The following DTNB variants were observed in gnomAD, a reference collection of about 807,000 sequenced individuals.
DTNB encodes the protein dystrobrevin beta.
A neutral mutation model predicts 90.7 loss-of-function variants in DTNB; 63 were observed. That is an observed-to-expected ratio of 0.69 (90% CI 0.57 to 0.86). The LOEUF is 0.86. Ranked by LOEUF, DTNB falls within the 40% of genes least tolerant of loss-of-function variation. The pLI is 0.00. For synonymous variants in DTNB, 277 were observed against 286.7 expected (o/e 0.97, Z 0.34); for missense variants, 744 against 807.1 (o/e 0.92, Z 0.95).
intron 15 of DTNB, among the ~76,000 whole-genome samples, chr2:25,420,508 A>G (rs979246622): frequency 2.4e-5 from 3 of 122,848 alleles, no homozygotes; most frequent in Non-Finnish European, 5.8e-5. Context: ...CTATCTATCT[A>G]TCTATCTATC....
intron 2 of DTNB, among the ~76,000 whole-genome samples, chr2:25,645,181 GA>G: frequency 6.6e-6 from 1 of 151,686 alleles, no homozygotes; most frequent in South Asian, 2.1e-4. Flanking sequence ...TCAGGAGTTT[GA>G]GACCTGGCTG....
Position 25,387,353 on chromosome 2 carries a change from G to A in DTNB, c.1761C>T (p.Asp587=), listed in dbSNP as rs778042820. The A allele has an allele frequency of 6.2e-7, 1 of 1,612,474 alleles. No individual in the cohort carries two copies. Among genetic ancestry groups the A allele is most frequent in the South Asian group, 1.1e-5 (1 of 91,008 alleles). The part of the protein sequence containing the change: ...AQGTRRNLRN[D]LLVAADSITN... The stretch of plus-strand genomic sequence containing the variant: ...TGATGGAGTCAGCTGCCACCAGCAG[G>A]TCATTGCGGAGGTTTCTCCTCGTAC... The change falls in exon 18 of 21, where the codon GAC becomes GAT. Residue 587 remains aspartate, a synonymous_variant. Coordinates refer to ENST00000406818, the MANE Select transcript of DTNB (RefSeq NM_021907.5). This position sits in a 1 kb window ranked among gnomAD's most constrained non-coding sequence, Gnocchi z 4.5.
intron 10 of DTNB, among the ~76,000 whole-genome samples, chr2:25,476,065 ATTTT>A (rs35073594): frequency 2.7e-4 from 35 of 127,828 alleles, no homozygotes; most frequent in African/African-American, 6.2e-4. Context: ...TCAAGAAGTA[ATTTT>A]TTTTTTTTTT....
At chr2:25,469,436 T>C (rs115714589) in intron 10 of DTNB, among the ~76,000 whole-genome samples, 2,043 of 152,148 alleles carry the variant, frequency 0.013, 40 homozygotes, top group African/African-American at 0.046. Flanking sequence ...AGCCTATTCA[T>C]TCATTCATTC....
intron 12 of DTNB, among the ~76,000 whole-genome samples, chr2:25,442,212 G>A (rs1307266197): frequency 6.6e-6 from 1 of 152,192 alleles, no homozygotes; most frequent in African/African-American, 2.4e-5. Context: ...ATTACAGAGA[G>A]GAATCTGATA....
chr2:25,532,066 T>C (rs2078311678), intron 8 of DTNB, among the ~76,000 whole-genome samples: 1 of 151,800 alleles, frequency 6.6e-6, no homozygotes, highest in Non-Finnish European at 1.5e-5. Context: ...AACCAACATG[T>C]TGAAACCATG....
At chr2:25,524,291 G>C (rs1432869584) in intron 9 of DTNB, among the ~76,000 whole-genome samples, 3 of 151,648 alleles carry the variant, frequency 2.0e-5, no homozygotes, top group African/African-American at 7.3e-5. Context: ...AAAAAAATCT[G>C]TAAGACATAG....
intron 1 of DTNB, among the ~76,000 whole-genome samples, chr2:25,668,634 A>C (rs1026027972): frequency 6.6e-6 from 1 of 152,278 alleles, no homozygotes; most frequent in African/African-American, 2.4e-5. Flanking sequence ...GCAAGATGTT[A>C]ATAATAGGAG....
At chr2:25,551,900 T>C (rs764976008) in intron 8 of DTNB, among the ~76,000 whole-genome samples, 1 of 152,230 alleles carries the variant, frequency 6.6e-6, no homozygotes, top group Admixed American at 6.5e-5. Flanking sequence ...AAGGAATACT[T>C]CTCTGTTCTA....
chr2:25,384,678 ACTGAGCT>A (rs774380276), intron 18 of DTNB, among the ~76,000 whole-genome samples: 7 of 152,090 alleles, frequency 4.6e-5, no homozygotes, highest in Non-Finnish European at 1.0e-4. Context: ...CAGAGGAGGG[ACTGAGCT>A]TATCCTGGGT....
At chr2:25,533,047 G>C (rs1471080972) in intron 8 of DTNB, among the ~76,000 whole-genome samples, 2 of 152,166 alleles carry the variant, frequency 1.3e-5, no homozygotes, top group Non-Finnish European at 2.9e-5. Flanking sequence ...AACTTGGTCA[G>C]GCACAGTGGC....
At chr2:25,458,238 T>TA in intron 10 of DTNB, among the ~76,000 whole-genome samples, 1 of 152,334 alleles carries the variant, frequency 6.6e-6, no homozygotes, top group Middle Eastern at 3.4e-3. Context: ...ATTCTGATGT[T>TA]AGTTCTGTTT....
chr2:25,633,901 G>A (rs1405419197), intron 3 of DTNB, among the ~76,000 whole-genome samples: 2 of 151,242 alleles, frequency 1.3e-5, no homozygotes, highest in Non-Finnish European at 2.9e-5. Context: ...CTGCCCGGCC[G>A]CACCGTCTGA....
At position 25,634,179 on chromosome 2, in the gene DTNB, C is replaced by G. The variant is rs1363069174; in HGVS notation, c.148+4835G>C. On this transcript the variant is annotated intron_variant, in intron 3 of 20. Coordinates refer to ENST00000406818, the MANE Select transcript of DTNB (RefSeq NM_021907.5). ...GAAGGGCGCCTCTGCCCGGCCGCCC[C>G]TACTGGGAAGTGAGGGGCCCCTCTG... 2.7e-5 allele frequency among the ~76,000 whole-genome samples: 4 copies of G among 149,306 alleles called. 1 individual carries two copies. Among genetic ancestry groups the G allele is most frequent in the Non-Finnish European group, 4.5e-5 (3 of 66,832 alleles).
intron 4 of DTNB, among the ~76,000 whole-genome samples, chr2:25,608,212 G>A (rs2067572233): frequency 6.6e-6 from 1 of 152,158 alleles, no homozygotes; most frequent in Non-Finnish European, 1.5e-5. Flanking sequence ...TTGCAATAAT[G>A]AGAGCTATAC....
chr2:25,469,130 T>C (rs1472807817), intron 10 of DTNB, among the ~76,000 whole-genome samples: 1 of 152,070 alleles, frequency 6.6e-6, no homozygotes, highest in African/African-American at 2.4e-5. Context: ...GTAGGGAATG[T>C]TATAAAAGGA....
rs546836476 is a variant in DTNB at position 25,547,418 on chromosome 2, G to A, written c.877-15821C>T. 4.7e-5 allele frequency among the ~76,000 whole-genome samples: 7 copies of A among 148,220 alleles called. No homozygotes were observed. In the East Asian group the frequency reaches 8.1e-4, roughly 17 times the overall value. On this transcript the variant is annotated intron_variant, in intron 8 of 20. Coordinates refer to ENST00000406818, the MANE Select transcript of DTNB (RefSeq NM_021907.5). ...CGGCTCACTGCAACCTCCGCCTCCCGATTCAAGGAATTCTCCTGCCTCAGC... is the reference window on the plus strand; with the variant it reads ...CGGCTCACTGCAACCTCCGCCTCCCAATTCAAGGAATTCTCCTGCCTCAGC...
chr2:25,604,366 CTTTCT>C (rs1373686240), intron 5 of DTNB, among the ~76,000 whole-genome samples: 5 of 151,102 alleles, frequency 3.3e-5, no homozygotes, highest in Middle Eastern at 3.2e-3. Context: ...GTTCTCGTTT[CTTTCT>C]TTTCTTTTTT....
intron 6 of DTNB, among the ~76,000 whole-genome samples, chr2:25,593,826 A>C (rs1288340762): frequency 6.6e-6 from 1 of 152,204 alleles, no homozygotes; most frequent in African/African-American, 2.4e-5. Context: ...ACCCCACATA[A>C]CTGTCATCCA....
Sources: gnomAD v4.1 joint callset for allele counts (sites outside exome capture counted in the v4.1 genomes callset) on GRCh38, gnomAD v4.1.1 for gene constraint, Gnocchi (gnomAD v3.1) non-coding constraint, MANE v1.5 for transcripts, NCBI Gene and HGNC (gene_info 2026-07-23, HGNC 2026-07-21) for gene names.